Variants in LGR4 observed in about 807,000 individuals in gnomAD.
The protein encoded by LGR4 is leucine-rich repeat-containing G protein-coupled receptor 4.
A neutral mutation model predicts 84.8 loss-of-function variants in LGR4; 44 were observed. The ratio of observed to expected loss-of-function variants is 0.52; its 90% CI spans 0.41 to 0.67. LGR4 has a LOEUF of 0.67. Among genes scored for constraint, LGR4 ranks in the 30% least tolerant of loss-of-function variants. LGR4 has a pLI of 0.00. For synonymous variants in LGR4, 429 were observed against 434.3 expected, an observed-to-expected ratio of 0.99 and a Z score of 0.15; for missense variants, 1,032 against 1,131.4, an observed-to-expected ratio of 0.91 and a Z score of 1.26.
rs1027858913 is a variant in LGR4, at chr11:27,368,674, A to G, written c.2049T>C (p.His683=). The change falls in exon 18 of 18, where the codon CAT becomes CAC. Residue 683 remains histidine (H), a synonymous_variant. Transcript: ENST00000379214. ...GGGGTGATGCAGAATATTCCCCTCT[A>G]TGGAAAAGGGGAAAACAGCCTGCTA... ...ATVAGCFPLF[H]RGEYSASPLC... 1.2e-6 allele frequency: 2 copies of G among 1,613,548 alleles called. No homozygotes were observed. Among genetic ancestry groups the G allele is most frequent in the South Asian group, 1.1e-5 (1 of 90,986 alleles).
At chr11:27,378,594 A>G in intron 11 of LGR4, 103 bp downstream of exon 11, 1 of 814,582 alleles carries the variant, frequency 1.2e-6, no homozygotes, top group Non-Finnish European at 2.1e-6. Flanking sequence ...AAGTAATTAT[A>G]CCTCAAAACC....
chr11:27,442,180 G>C (rs559634917), intron 1 of LGR4, among the ~76,000 whole-genome samples: 90 of 152,260 alleles, frequency 5.9e-4, no homozygotes, highest in African/African-American at 2.1e-3. Flanking sequence ...TAGACAGAAT[G>C]GGGCAAGCAA....
At chr11:27,437,006 T>C (rs1315167873) in intron 1 of LGR4, among the ~76,000 whole-genome samples, 1 of 152,136 alleles carries the variant, frequency 6.6e-6, no homozygotes, top group African/African-American at 2.4e-5. Flanking sequence ...CTAGTTTTAA[T>C]TTCAAAAAAT....
At chr11:27,451,730 C>A (rs1864482956) in intron 1 of LGR4, among the ~76,000 whole-genome samples, 1 of 152,142 alleles carries the variant, frequency 6.6e-6, no homozygotes, top group Admixed American at 6.5e-5. Flanking sequence ...GTAATTAAGG[C>A]AAATATACTG....
chr11:27,390,160 C>T (rs1863256594), intron 4 of LGR4, among the ~76,000 whole-genome samples: 1 of 151,718 alleles, frequency 6.6e-6, no homozygotes, highest in South Asian at 2.1e-4. Flanking sequence ...TCTTTGGTGC[C>T]GTTAAAAATG....
At position 27,385,240 on chromosome 11, in the gene LGR4, G is replaced by T; in HGVS notation, c.617+13C>A. On this transcript the variant is annotated intron_variant, in intron 5 of 17. Transcript: ENST00000379214. ...AACACAAATATATGGAATTAAAAGG[G>T]ATAGATACTTACAGAACTACCAGGC... 1.3e-6 allele frequency: 2 copies of T among 1,505,378 alleles called. No individual in the cohort carries two copies. Among genetic ancestry groups the T allele is most frequent in the South Asian group, 2.6e-5 (2 of 77,364 alleles). The allele number at this position is 1,505,378 out of a possible 1,614,324, so 93.3% of individuals were successfully genotyped here.
At position 27,412,103 on chromosome 11, in the gene LGR4, C is replaced by CT. The variant is rs1287497982; in HGVS notation, c.257+685dup. On this transcript the variant is annotated intron_variant, in intron 2 of 17. Coordinates refer to ENST00000379214, the MANE Select transcript of LGR4 (RefSeq NM_018490.5). ...AAAATATAATATATAGTTCCCAATTCTTTTAAAACCCGAAAGTGCCTATTT... is the reference window on the plus strand; with the variant it reads ...AAAATATAATATATAGTTCCCAATTCTTTTTAAAACCCGAAAGTGCCTATTT... Among the ~76,000 whole-genome samples the CT allele has an allele frequency of 4.6e-5, 7 of 151,820 alleles. No homozygotes were observed. The East Asian group carries it at 1.4e-3, about 30-fold the overall frequency.
At chr11:27,391,055 T>A in intron 4 of LGR4, 39 bp downstream of exon 4, 1 of 1,125,892 alleles carries the variant, frequency 8.9e-7, no homozygotes, top group Non-Finnish European at 1.3e-6. Context: ...ACAGCCAGAG[T>A]AGTCTCTTGG....
intron 1 of LGR4, among the ~76,000 whole-genome samples, chr11:27,453,425 G>T (rs1864519844): frequency 1.3e-5 from 2 of 152,122 alleles, no homozygotes; most frequent in African/African-American, 4.8e-5. Context: ...TATTCCTATA[G>T]ATATTGACTA....
At chr11:27,422,570 G>A (rs1863942143) in intron 1 of LGR4, among the ~76,000 whole-genome samples, 1 of 152,134 alleles carries the variant, frequency 6.6e-6, no homozygotes, top group African/African-American at 2.4e-5. Flanking sequence ...CTCTCTTCCT[G>A]ACTGCAAACT....
rs1203730950 is a variant in LGR4 at position 27,472,252 on chromosome 11, G to A, written c.51C>T (p.Gly17=). 4.4e-5 allele frequency: 58 copies of A among 1,317,256 alleles called. No homozygotes were observed. Among genetic ancestry groups the A allele is most frequent in the Non-Finnish European group, 5.5e-5 (57 of 1,039,070 alleles). The allele number at this position is 1,317,256 out of a possible 1,614,324, so 81.6% of individuals were successfully genotyped here. A position where few individuals can be genotyped will look rare whatever the true frequency, so the allele number is the denominator to read the frequency against. ...LLCFLALGLL[G]SAGPSGAAPP... ...GCGCCGCGCCGCTGGGCCCGGCCGA[G>A]CCGAGCAGCCCCAGGGCGAGGAAGC... is the stretch of plus-strand genomic sequence containing the variant. The change falls in exon 1 of 18, where the codon GGC becomes GGT. Residue 17 remains glycine (G), a synonymous_variant. Coordinates refer to ENST00000379214, the MANE Select transcript of LGR4 (RefSeq NM_018490.5).
At chr11:27,392,365 G>A (rs949142396) in intron 3 of LGR4, 82 bp downstream of exon 3, 1 of 1,090,936 alleles carries the variant, frequency 9.2e-7, no homozygotes, top group Non-Finnish European at 1.3e-6. Context: ...AAGAAACTGT[G>A]CTTAACCTAG....
intron 2 of LGR4, among the ~76,000 whole-genome samples, chr11:27,407,749 A>G (rs1244923790): frequency 6.6e-6 from 1 of 152,158 alleles, no homozygotes; most frequent in African/African-American, 2.4e-5. Flanking sequence ...AGGTGATAAC[A>G]TATATCAAAG....
chr11:27,404,640 T>C (rs1325982095), intron 2 of LGR4, among the ~76,000 whole-genome samples: 2 of 152,074 alleles, frequency 1.3e-5, no homozygotes, highest in African/African-American at 2.4e-5. Flanking sequence ...AAAACCCAGG[T>C]TGCACCATAC....
At chr11:27,380,000 C>T (rs541027656) in intron 10 of LGR4, among the ~76,000 whole-genome samples, 4 of 152,182 alleles carry the variant, frequency 2.6e-5, no homozygotes, top group South Asian at 4.1e-4. Flanking sequence ...GCCCCCACTT[C>T]TAAATTCTGA....
intron 1 of LGR4, among the ~76,000 whole-genome samples, chr11:27,447,581 A>G (rs1469806620): frequency 1.3e-5 from 2 of 152,176 alleles, no homozygotes; most frequent in Non-Finnish European, 2.9e-5. Context: ...AATAACCATA[A>G]AAATAGCTAA....
intron 2 of LGR4, among the ~76,000 whole-genome samples, chr11:27,402,462 A>T (rs1863522307): frequency 6.6e-6 from 1 of 152,142 alleles, no homozygotes. Flanking sequence ...CAACTCCATA[A>T]ATCAGCCCTG....
Position 27,472,246 on chromosome 11 carries a change from G to T in LGR4, c.57C>A (p.Ala19=). The change falls in exon 1 of 18, where the codon GCC becomes GCA. Residue 19 remains alanine, a synonymous_variant. Coordinates refer to ENST00000379214, the MANE Select transcript of LGR4 (RefSeq NM_018490.5). ...GAGGCGGCGCCGCGCCGCTGGGCCC[G>T]GCCGAGCCGAGCAGCCCCAGGGCGA... ...CFLALGLLGS[A]GPSGAAPPLC... 1 of 1,322,602 alleles carries T rather than the reference G, an allele frequency of 7.6e-7. No individual in the cohort carries two copies. Among genetic ancestry groups the T allele is most frequent in the Non-Finnish European group, 9.6e-7 (1 of 1,041,814 alleles). The allele number at this position is 1,322,602 out of a possible 1,614,324, so 81.9% of individuals were successfully genotyped here. A position where few individuals can be genotyped will look rare whatever the true frequency, so the allele number is the denominator to read the frequency against.
At chr11:27,436,195 G>C (rs1864203686) in intron 1 of LGR4, among the ~76,000 whole-genome samples, 2 of 151,500 alleles carry the variant, frequency 1.3e-5, no homozygotes, top group Admixed American at 6.6e-5. Context: ...ACAGGTGTGA[G>C]CCACTGCTCC....
Sources: allele counts gnomAD v4.1 joint callset (sites outside exome capture counted in the v4.1 genomes callset), GRCh38; gene constraint gnomAD v4.1.1; transcripts MANE v1.5; gene names NCBI Gene and HGNC (gene_info 2026-07-23, HGNC 2026-07-21).